The following CNTN5 variants were observed in gnomAD, a reference collection of about 807,000 sequenced individuals.
CNTN5 encodes the protein contactin-5.
A neutral mutation model predicts 129.1 loss-of-function variants in CNTN5; 77 were observed. The ratio of observed to expected loss-of-function variants is 0.60; its 90% CI spans 0.50 to 0.72. CNTN5 has a LOEUF of 0.72. CNTN5 is among the 30% of genes least tolerant of loss of function. The pLI is 0.00. For synonymous variants in CNTN5, 509 were observed against 465.6 expected (o/e 1.09, Z -1.20); for missense variants, 1,478 against 1,328.8 (o/e 1.11, Z -1.75).
intron 18 of CNTN5, among the ~76,000 whole-genome samples, chr11:100,291,889 C>T (rs946762245): frequency 6.6e-6 from 1 of 151,392 alleles, no homozygotes; most frequent in African/African-American, 2.4e-5. Flanking sequence ...AACAAACAAA[C>T]AAACAACAAC....
chr11:99,684,796 T>C (rs1393546522), intron 3 of CNTN5, among the ~76,000 whole-genome samples: 3 of 151,760 alleles, frequency 2.0e-5, no homozygotes, highest in African/African-American at 4.8e-5. Flanking sequence ...GGGATCTATA[T>C]TGATGATTCT....
intron 4 of CNTN5, among the ~76,000 whole-genome samples, chr11:99,832,334 C>T (rs1209037714): frequency 6.6e-6 from 1 of 152,196 alleles, no homozygotes; most frequent in Non-Finnish European, 1.5e-5. Flanking sequence ...ATCAACCTAA[C>T]ACATGGAGTT....
chr11:99,620,208 G>A (rs1950896758), intron 3 of CNTN5, among the ~76,000 whole-genome samples: 1 of 152,024 alleles, frequency 6.6e-6, no homozygotes, highest in East Asian at 1.9e-4. Context: ...ACTTTTCAGC[G>A]TTAAGCTTGT....
At chr11:99,473,250 A>G (rs548011319) in intron 2 of CNTN5, among the ~76,000 whole-genome samples, 1 of 152,136 alleles carries the variant, frequency 6.6e-6, no homozygotes, top group Non-Finnish European at 1.5e-5. Context: ...AATGAAGGCT[A>G]TTAGGATGGA....
chr11:100,291,370 A>G (rs1233661667), intron 18 of CNTN5, among the ~76,000 whole-genome samples: 1 of 151,140 alleles, frequency 6.6e-6, no homozygotes, highest in Non-Finnish European at 1.5e-5. Context: ...AATGTCCAAC[A>G]ATGATAGACT....
At chr11:100,309,135 C>T in intron 21 of CNTN5, 2 of 984,954 alleles carry the variant, frequency 2.0e-6, no homozygotes, top group Non-Finnish European at 2.4e-6. Flanking sequence ...CTTGGCCAGT[C>T]ATGGAGAGGA....
intron 3 of CNTN5, among the ~76,000 whole-genome samples, chr11:99,815,835 T>G (rs1406510613): frequency 6.6e-6 from 1 of 152,152 alleles, no homozygotes; most frequent in Admixed American, 6.5e-5. Flanking sequence ...GTCTATTTCA[T>G]CTTATTATTC....
intron 4 of CNTN5, among the ~76,000 whole-genome samples, chr11:99,841,217 G>A (rs538168775): frequency 6.6e-6 from 1 of 152,248 alleles, no homozygotes; most frequent in South Asian, 2.1e-4. Flanking sequence ...ACAATGAACA[G>A]CAAAGAGATG....
intron 1 of CNTN5, among the ~76,000 whole-genome samples, chr11:99,051,850 T>C (rs1832358407): frequency 6.6e-6 from 1 of 151,894 alleles, no homozygotes; most frequent in South Asian, 2.1e-4. Context: ...GAACTCGTAG[T>C]GGACAGGCAA....
chr11:100,176,391 A>G (rs1445294713), intron 13 of CNTN5, among the ~76,000 whole-genome samples: 1 of 149,610 alleles, frequency 6.7e-6, no homozygotes, highest in African/African-American at 2.6e-5. Flanking sequence ...TCAACACTAC[A>G]GTTATTATTT....
chr11:99,774,434 T>C (rs1027894906), intron 3 of CNTN5, among the ~76,000 whole-genome samples: 1 of 151,388 alleles, frequency 6.6e-6, no homozygotes, highest in African/African-American at 2.4e-5. Flanking sequence ...TCTCATGAGA[T>C]CTTAAAGATA....
chr11:99,171,124 T>C (rs1181982154), intron 1 of CNTN5, among the ~76,000 whole-genome samples: 1 of 152,176 alleles, frequency 6.6e-6, no homozygotes, highest in Admixed American at 6.5e-5. Flanking sequence ...CTTAATATTA[T>C]TTGGGAGAAT....
intron 9 of CNTN5, among the ~76,000 whole-genome samples, chr11:100,029,966 T>G (rs370218285): frequency 6.6e-6 from 1 of 152,268 alleles, no homozygotes; most frequent in South Asian, 2.1e-4. Context: ...TGGAAATTCA[T>G]TAAAAACACT....
chr11:100,236,985 G>A (rs1360699588), intron 16 of CNTN5, among the ~76,000 whole-genome samples: 2 of 151,880 alleles, frequency 1.3e-5, no homozygotes, highest in Non-Finnish European at 2.9e-5. Flanking sequence ...GTCAGAAGAT[G>A]GAGACAATCC....
intron 2 of CNTN5, among the ~76,000 whole-genome samples, chr11:99,521,339 A>G (rs1397710330): frequency 6.6e-6 from 1 of 152,198 alleles, no homozygotes; most frequent in African/African-American, 2.4e-5. Context: ...GAGATCAAGT[A>G]TCTAGGTGTA....
intron 2 of CNTN5, among the ~76,000 whole-genome samples, chr11:99,379,421 C>A (rs901626806): frequency 2.0e-5 from 3 of 151,754 alleles, no homozygotes; most frequent in African/African-American, 7.3e-5. Context: ...TGGTTCAATA[C>A]CTTTCTCAAT....
At chr11:99,403,812 G>T (rs1326173328) in intron 2 of CNTN5, among the ~76,000 whole-genome samples, 1 of 152,132 alleles carries the variant, frequency 6.6e-6, no homozygotes, top group Non-Finnish European at 1.5e-5. Flanking sequence ...GTGCTGAGGA[G>T]AATAATGTGT....
chr11:99,573,289 G>A (rs576868066), intron 3 of CNTN5, among the ~76,000 whole-genome samples: 1 of 152,076 alleles, frequency 6.6e-6, no homozygotes, highest in East Asian at 1.9e-4. Flanking sequence ...AATAGTTCCT[G>A]GCCGGGTGCA....
At chr11:99,894,376 C>G (rs1368081635) in intron 6 of CNTN5, among the ~76,000 whole-genome samples, 1 of 151,152 alleles carries the variant, frequency 6.6e-6, no homozygotes, top group Non-Finnish European at 1.5e-5. Context: ...TTCTGGATAA[C>G]CAAAACCTAA....
Sources: allele counts gnomAD v4.1 joint callset (sites outside exome capture counted in the v4.1 genomes callset), GRCh38; gene constraint gnomAD v4.1.1; transcripts MANE v1.5; gene names NCBI Gene and HGNC (gene_info 2026-07-23, HGNC 2026-07-21).